The following PINX1 variants were observed in gnomAD, a reference collection of about 807,000 sequenced individuals.
The protein encoded by PINX1 is PIN2 (TERF1) interacting telomerase inhibitor 1, also known as PIN2/TERF1-interacting telomerase inhibitor 1.
A neutral mutation model predicts 25.4 loss-of-function variants in PINX1; 34 were observed. The observed-to-expected ratio is 1.34, with a 90% CI of 1.02 to 1.78. PINX1 has a LOEUF of 1.78. PINX1 is among the 40% of genes most tolerant of loss of function. The pLI, the probability that PINX1 is intolerant of heterozygous loss-of-function variation, is 0.00. For synonymous variants in PINX1, 197 were observed against 147.7 expected (o/e 1.33, Z -2.42); for missense variants, 592 against 404.9 (o/e 1.46, Z -3.97).
intron 2 of PINX1, chr8:10,833,415 A>G (rs1798286806): frequency 6.4e-6 from 1 of 156,604 alleles, no homozygotes; most frequent in African/African-American, 2.4e-5. Context: ...TTAAAAGATC[A>G]TTCTGGCTGC....
At chr8:10,777,811 C>G (rs527977559) in intron 6 of PINX1, among the ~76,000 whole-genome samples, 1 of 152,206 alleles carries the variant, frequency 6.6e-6, no homozygotes, top group Non-Finnish European at 1.5e-5. Flanking sequence ...CCTTGTGCGA[C>G]TGGCTCCTGG....
At chr8:10,793,122 G>A (rs776191180) in intron 6 of PINX1, among the ~76,000 whole-genome samples, 1 of 152,168 alleles carries the variant, frequency 6.6e-6, no homozygotes, top group Non-Finnish European at 1.5e-5. Flanking sequence ...ACATGATGAC[G>A]AAAGCATGAT....
chr8:10,807,812 G>A (rs946991477), intron 6 of PINX1, among the ~76,000 whole-genome samples: 9 of 152,166 alleles, frequency 5.9e-5, no homozygotes, highest in Admixed American at 5.9e-4. Context: ...GGACACAGAG[G>A]AGCTAAAAGG....
rs1029329591 is a variant in PINX1 at position 10,791,203 on chromosome 8, T to G, written c.472-25287A>C. Among the ~76,000 whole-genome samples the G allele has an allele frequency of 2.4e-4, 36 of 152,214 alleles. 1 individual carries two copies. The highest frequency in any genetic ancestry group is 1.2e-4 in the Non-Finnish European group (8 of 68,036). ...CTGGGATGACAGGCATGAGCCATCATGCCCAGCCAAAATCCCCCCTTTTTA... is the reference window on the plus strand; with the variant it reads ...CTGGGATGACAGGCATGAGCCATCAGGCCCAGCCAAAATCCCCCCTTTTTA... On this transcript the variant is annotated intron_variant, in intron 6 of 6. Transcript: ENST00000314787.
intron 1 of PINX1, among the ~76,000 whole-genome samples, chr8:10,837,786 C>T (rs1221415836): frequency 1.3e-5 from 2 of 152,136 alleles, no homozygotes; most frequent in African/African-American, 2.4e-5. Context: ...GTCCCAAGAG[C>T]CAGAGGCAGA....
At chr8:10,776,681 C>T (rs911964593) in intron 6 of PINX1, among the ~76,000 whole-genome samples, 2 of 152,100 alleles carry the variant, frequency 1.3e-5, no homozygotes, top group East Asian at 3.9e-4. Context: ...GCTGCCCACT[C>T]TTCCAGCTCT....
Position 10,765,062 on chromosome 8 carries a change from ACACACACACAGATGCGCACATG to A in PINX1, c.*317_*338del, listed in dbSNP as rs990086760. 1 of 230,872 alleles carries A rather than the reference ACACACACACAGATGCGCACATG, an allele frequency of 4.3e-6. No individual in the cohort carries two copies. The highest frequency in any genetic ancestry group is 8.3e-6 in the Non-Finnish European group (1 of 120,032). The allele number at this position is 230,872 out of a possible 1,614,324, so 14.3% of individuals were successfully genotyped here. On this transcript the variant is annotated 3_prime_UTR_variant, in exon 7 of 7. Transcript: ENST00000314787. ...AGCAAACGGAGATAGTGACACACAC[ACACACACACAGATGCGCACATG>A]CACACACACGTGTGCACACTTACAT...
At chr8:10,799,455 G>C (rs188242762) in intron 6 of PINX1, among the ~76,000 whole-genome samples, 1 of 152,254 alleles carries the variant, frequency 6.6e-6, no homozygotes, top group Admixed American at 6.5e-5. Context: ...GCCTGGCTCT[G>C]CCATTTCTCT....
chr8:10,774,531 T>C (rs917563769), intron 6 of PINX1, among the ~76,000 whole-genome samples: 5 of 152,220 alleles, frequency 3.3e-5, no homozygotes, highest in Admixed American at 1.3e-4. Flanking sequence ...TCCACCCGCC[T>C]CGGCCACCCA....
chr8:10,820,431 A>G, intron 5 of PINX1, 162 bp from the exon 6 acceptor site: 1 of 663,754 alleles, frequency 1.5e-6, no homozygotes, highest in South Asian at 1.7e-5. Flanking sequence ...CAACTCTTTC[A>G]TTAGTAAACA....
chr8:10,825,339 T>A (rs995385987), intron 5 of PINX1: 4 of 534,396 alleles, frequency 7.5e-6, no homozygotes, highest in African/African-American at 5.8e-5. Flanking sequence ...ACATCCAACC[T>A]CCCAGGAAAG....
intron 6 of PINX1, among the ~76,000 whole-genome samples, chr8:10,791,962 G>A (rs1347210463): frequency 6.6e-6 from 1 of 152,158 alleles, no homozygotes; most frequent in Non-Finnish European, 1.5e-5. Flanking sequence ...CTCCACAGAG[G>A]TGCCAGTTAC....
chr8:10,807,505 G>A (rs912076568), intron 6 of PINX1, among the ~76,000 whole-genome samples: 1 of 151,984 alleles, frequency 6.6e-6, no homozygotes, highest in African/African-American at 2.4e-5. Flanking sequence ...TCTTCATACT[G>A]AAAGTTCTAC....
chr8:10,790,087 G>A (rs1190047645), intron 6 of PINX1, among the ~76,000 whole-genome samples: 1 of 152,066 alleles, frequency 6.6e-6, no homozygotes. Context: ...TGGAGGCGCC[G>A]TCTGCACTCA....
intron 6 of PINX1, among the ~76,000 whole-genome samples, chr8:10,798,514 G>T (rs184917199): frequency 7.7e-4 from 118 of 152,282 alleles, no homozygotes; most frequent in African/African-American, 2.8e-3. Context: ...TACTAAAGAA[G>T]AGAAAAATAA....
intron 6 of PINX1, among the ~76,000 whole-genome samples, chr8:10,768,848 C>T (rs548620502): frequency 6.6e-6 from 1 of 152,296 alleles, no homozygotes; most frequent in East Asian, 1.9e-4. Flanking sequence ...ATAGATACAT[C>T]TTTTCAAGAA....
intron 1 of PINX1, among the ~76,000 whole-genome samples, chr8:10,835,067 A>G (rs548253880): frequency 6.6e-6 from 1 of 152,336 alleles, no homozygotes; most frequent in African/African-American, 2.4e-5. Context: ...TGGGCCTTCC[A>G]TACTCCGCCA....
intron 6 of PINX1, among the ~76,000 whole-genome samples, chr8:10,813,438 C>A (rs535902119): frequency 3.9e-5 from 6 of 152,112 alleles, no homozygotes; most frequent in Non-Finnish European, 8.8e-5. Flanking sequence ...TTGAATCCAA[C>A]CAGAAAAATG....
chr8:10,810,445 C>T (rs536474844), intron 6 of PINX1, among the ~76,000 whole-genome samples: 6 of 152,324 alleles, frequency 3.9e-5, no homozygotes, highest in Admixed American at 2.0e-4. Context: ...TTCTGTGTGT[C>T]TGTGCCTCCT....
Sources: allele counts gnomAD v4.1 joint callset (sites outside exome capture counted in the v4.1 genomes callset), GRCh38; gene constraint gnomAD v4.1.1; transcripts MANE v1.5; gene names NCBI Gene and HGNC (gene_info 2026-07-23, HGNC 2026-07-21).